The following ARIH2 variants were observed in gnomAD, a reference collection of about 807,000 sequenced individuals.
The protein encoded by ARIH2 is ariadne RBR E3 ubiquitin protein ligase 2.
Under a neutral mutation model 79.8 loss-of-function variants are expected in ARIH2, and 12 were observed. The observed-to-expected ratio is 0.15, with a 90% confidence interval of 0.10 to 0.24. The LOEUF (loss-of-function observed/expected upper bound fraction) is 0.24. ARIH2 is among the 10% of genes least tolerant of loss of function. ARIH2 has a pLI of 1.00. For synonymous variants in ARIH2, 224 were observed against 213.9 expected, an observed-to-expected ratio of 1.05 and a Z score of -0.41; for missense variants, 301 against 618.3, an observed-to-expected ratio of 0.49 and a Z score of 5.44.
At chr3:48,969,279 C>T (rs1653183401) in intron 7 of ARIH2, among the ~76,000 whole-genome samples, 1 of 151,384 alleles carries the variant, frequency 6.6e-6, no homozygotes, top group Admixed American at 6.6e-5. Flanking sequence ...TGTGTGTCAG[C>T]AGGTGAATAC....
chr3:48,962,856 A>G (rs750079685), intron 4 of ARIH2, among the ~76,000 whole-genome samples: 12 of 151,854 alleles, frequency 7.9e-5, no homozygotes, highest in Non-Finnish European at 1.6e-4. Context: ...CCTTTCTCGT[A>G]TGGTATGTTT....
intron 14 of ARIH2, 29 bp downstream of exon 14, chr3:48,981,757 C>A: frequency 6.3e-7 from 1 of 1,583,472 alleles, no homozygotes; most frequent in Non-Finnish European, 8.7e-7. Context: ...TCTACTCTGT[C>A]CCGTTAGCCT....
intron 6 of ARIH2, among the ~76,000 whole-genome samples, chr3:48,967,844 A>G (rs1055611539): frequency 5.3e-5 from 8 of 152,220 alleles, no homozygotes; most frequent in Non-Finnish European, 1.2e-4. Flanking sequence ...CGTTAGTGAT[A>G]CAATTTGGGA....
chr3:48,980,648 C>A, intron 13 of ARIH2, 152 bp downstream of exon 13: 1 of 880,134 alleles, frequency 1.1e-6, no homozygotes, highest in Non-Finnish European at 1.7e-6. Flanking sequence ...TTTTCATGTG[C>A]TGTGCCCATT....
At position 48,918,865 on chromosome 3, in the gene ARIH2, G is replaced by C. The variant is rs768134987; in HGVS notation, c.-295G>C. ...CCGGAGCTGTGGGGACGACTCTTCT[G>C]GAGGAAGCAGCGCGGGCTTGACCGG... On this transcript the variant is annotated 5_prime_UTR_variant, in exon 1 of 16. Transcript: ENST00000356401. The C allele has an allele frequency of 6.2e-7, 1 of 1,610,396 alleles. No homozygotes were observed.
chr3:48,968,937 G>T (rs2091985835), intron 7 of ARIH2, among the ~76,000 whole-genome samples: 1 of 152,076 alleles, frequency 6.6e-6, no homozygotes, highest in Non-Finnish European at 1.5e-5. Flanking sequence ...TGGCTGGAGT[G>T]CAGTGGCGCA....
Position 48,967,187 on chromosome 3 carries a change from C to G in ARIH2, c.450C>G (p.Asn150Lys). 6.2e-7 allele frequency: 1 copy of G among 1,614,220 alleles called. No homozygotes were observed. Among genetic ancestry groups the G allele is most frequent in the African/African-American group, 1.3e-5 (1 of 75,056 alleles). The change falls in exon 6 of 16, where the codon AAC becomes AAG. Residue 150 changes from asparagine to lysine, a missense_variant. Physicochemically the swap from Asn to Lys is moderately conservative, Grantham distance 94. This residue lies in a region of ARIH2 where 223 missense variants were observed against 349.4 expected (regional missense o/e 0.64). Transcript: ENST00000356401. Reference sequence around the variant, plus strand: ...GTATGCAGTTTGTGCGAAAGGAAAACCTACTCTCTCTGGCCTGTCAGCACC... The same window carrying G: ...GTATGCAGTTTGTGCGAAAGGAAAAGCTACTCTCTCTGGCCTGTCAGCACC... ...AVCMQFVRKENLLSLACQHQF... is the reference protein window; with the variant it reads ...AVCMQFVRKEKLLSLACQHQF...
intron 2 of ARIH2, chr3:48,927,161 C>T: frequency 4.7e-6 from 1 of 210,980 alleles, no homozygotes; most frequent in Non-Finnish European, 9.7e-6. Flanking sequence ...AGGACTTTGG[C>T]AAGAATAACA....
chr3:48,952,097 G>A (rs530383789), intron 3 of ARIH2, among the ~76,000 whole-genome samples: 24 of 152,088 alleles, frequency 1.6e-4, no homozygotes, highest in Non-Finnish European at 3.2e-4. Context: ...TTTTTGTGTA[G>A]GCATTATATT....
At chr3:48,921,897 A>G (rs1008693976) in intron 1 of ARIH2, among the ~76,000 whole-genome samples, 9 of 152,060 alleles carry the variant, frequency 5.9e-5, no homozygotes, top group African/African-American at 1.9e-4. Flanking sequence ...GACTACAGGC[A>G]TGCACCACCA....
At chr3:48,939,495 C>T (rs1227447634) in intron 3 of ARIH2, among the ~76,000 whole-genome samples, 5 of 151,868 alleles carry the variant, frequency 3.3e-5, no homozygotes, top group Non-Finnish European at 5.9e-5. Flanking sequence ...CGGTGACTCA[C>T]GCCTGTAATC....
At chr3:48,935,454 C>G (rs1194384696) in intron 3 of ARIH2, among the ~76,000 whole-genome samples, 2 of 152,152 alleles carry the variant, frequency 1.3e-5, no homozygotes, top group African/African-American at 4.8e-5. Flanking sequence ...TAAGTGAGTA[C>G]CTATGTATTA....
intron 3 of ARIH2, among the ~76,000 whole-genome samples, chr3:48,942,443 A>G (rs2088440457): frequency 1.3e-5 from 2 of 152,158 alleles, no homozygotes; most frequent in South Asian, 4.1e-4. Flanking sequence ...TTCTGATGTC[A>G]TTTTAGCTTT....
At chr3:48,956,072 T>C (rs1487949453) in intron 3 of ARIH2, among the ~76,000 whole-genome samples, 3 of 152,146 alleles carry the variant, frequency 2.0e-5, no homozygotes, top group Non-Finnish European at 4.4e-5. Flanking sequence ...AGGTTTGTAG[T>C]AGATTTTTGA....
At chr3:48,969,688 C>G (rs2092058387) in intron 7 of ARIH2, among the ~76,000 whole-genome samples, 1 of 151,974 alleles carries the variant, frequency 6.6e-6, no homozygotes, top group African/African-American at 2.4e-5. Flanking sequence ...GGTGTTTCAC[C>G]ATCTTGCCCA....
chr3:48,983,035 A>G (rs989379289), intron 15 of ARIH2, 56 bp downstream of exon 15: 2 of 1,559,822 alleles, frequency 1.3e-6, no homozygotes, highest in African/African-American at 2.7e-5. Flanking sequence ...CTGGCATGGT[A>G]ATAGGTGACA....
intron 12 of ARIH2, 40 bp from the exon 13 acceptor site, chr3:48,980,313 T>C: frequency 6.2e-7 from 1 of 1,604,910 alleles, no homozygotes; most frequent in Non-Finnish European, 8.5e-7. Flanking sequence ...TGCACCTTCA[T>C]GGGACTCCTG....
chr3:48,981,391 T>G (rs572225742), intron 13 of ARIH2, among the ~76,000 whole-genome samples: 1 of 152,206 alleles, frequency 6.6e-6, no homozygotes, highest in East Asian at 1.9e-4. Flanking sequence ...GACTCTGATG[T>G]CCTACTCAAG....
chr3:48,952,239 A>T (rs2090059331), intron 3 of ARIH2, among the ~76,000 whole-genome samples: 2 of 152,194 alleles, frequency 1.3e-5, no homozygotes, highest in South Asian at 4.1e-4. Context: ...GTATGCTACA[A>T]AGAAGGGCAT....
Sources: allele counts gnomAD v4.1 joint callset (sites outside exome capture counted in the v4.1 genomes callset), GRCh38; gene constraint gnomAD v4.1.1; regional missense constraint gnomAD v4.1.1; transcripts MANE v1.5; gene names NCBI Gene and HGNC (gene_info 2026-07-23, HGNC 2026-07-21).